The following GAREM2 variants were observed in gnomAD, a reference collection of about 807,000 sequenced individuals.
GAREM2 encodes GRB2-associated and regulator of MAPK protein 2.
Under a neutral mutation model 55.6 loss-of-function variants are expected in GAREM2, and 30 were observed. The observed-to-expected ratio is 0.54, with a 90% CI of 0.40 to 0.73. GAREM2 has a LOEUF of 0.73. Ranked by LOEUF, GAREM2 falls within the 30% of genes least tolerant of loss-of-function variation. The pLI, the probability that GAREM2 is intolerant of heterozygous loss-of-function variation, is 0.00. For missense variants in GAREM2, 1,075 were observed against 1,257.7 expected (o/e 0.85, Z 2.20); for synonymous variants, 550 against 569.1 (o/e 0.97, Z 0.48).
In GAREM2 at chr2:26,183,044, A is replaced by G. The variant is rs1275576171; in HGVS notation, c.331A>G (p.Ser111Gly). 1.9e-6 allele frequency: 3 copies of G among 1,551,724 alleles called. No individual in the cohort carries two copies. The highest frequency in any genetic ancestry group is 2.6e-6 in the Non-Finnish European group (3 of 1,146,984). ...CTTCAGCAGCGTGGAGGAGGTGGCCAGTGTCTTCCCTGACCGCATCTTCGT... is the reference window on the plus strand; with the variant it reads ...CTTCAGCAGCGTGGAGGAGGTGGCCGGTGTCTTCCCTGACCGCATCTTCGT... ...RYFSSVEEVA[S>G]VFPDRIFVME... The change falls in exon 3 of 6, where the codon AGT (serine) becomes GGT (glycine). Residue 111 changes from serine (S) to glycine (G), a missense_variant. Physicochemically the swap from Ser to Gly is moderately conservative, Grantham distance 56. Around this residue, in one of 6 missense-constraint regions of GAREM2, gnomAD observed 230 missense variants for 310.6 expected, o/e 0.74. Coordinates refer to ENST00000401533, the MANE Select transcript of GAREM2 (RefSeq NM_001168241.2).
the GAREM2 span, chr2:26,195,355 A>G: frequency 2.3e-6 from 2 of 867,932 alleles, no homozygotes; most frequent in Middle Eastern, 2.3e-4. Flanking sequence ...ACTGCTTGAC[A>G]TAGCTGAGTG....
chr2:26,193,905 G>A (rs951632662), downstream of GAREM2: 36 of 701,962 alleles, frequency 5.1e-5, no homozygotes, highest in African/African-American at 6.2e-4. Context: ...GCCCAGGACT[G>A]GTGCTATTTC....
chr2:26,191,529 T>C, downstream of GAREM2: 3 of 1,614,100 alleles, frequency 1.9e-6, no homozygotes, highest in East Asian at 2.2e-5. Context: ...CTCCGATGTC[T>C]CCCTCTGCAG....
At chr2:26,182,614 C>A in intron 2 of GAREM2, 2 of 946,260 alleles carry the variant, frequency 2.1e-6, no homozygotes, top group Non-Finnish European at 3.3e-6. Flanking sequence ...AGCCAGCATC[C>A]CGGTACCACA....
chr2:26,185,172 G>T lies in GAREM2; in HGVS notation c.1324G>T (p.Val442Phe). The T allele has an allele frequency of 6.6e-7, 1 of 1,507,278 alleles. No individual in the cohort carries two copies. Among genetic ancestry groups the T allele is most frequent in the Non-Finnish European group, 8.8e-7 (1 of 1,135,368 alleles). 93.4% of individuals were successfully genotyped at this position (1,507,278 alleles called of 1,614,324 possible). A position where few individuals can be genotyped will look rare whatever the true frequency, so the allele number is the denominator to read the frequency against. Reference protein sequence around the residue: ...LWAHQGPEGLVRPPPGLDLIS... With the variant: ...LWAHQGPEGLFRPPPGLDLIS... ...GGCGCACCAGGGGCCCGAGGGCCTCGTCCGGCCGCCCCCAGGGCTCGATCT... is the reference window on the plus strand; with the variant it reads ...GGCGCACCAGGGGCCCGAGGGCCTCTTCCGGCCGCCCCCAGGGCTCGATCT... Residue 442 changes from valine (V) to phenylalanine (F), a missense_variant, in exon 4 of 6, where the codon GTC becomes TTC. By Grantham distance (50) the Val-to-Phe change is conservative. Transcript: ENST00000401533.
chr2:26,189,904 C>G (rs1487263905), downstream of GAREM2, among the ~76,000 whole-genome samples: 1 of 152,230 alleles, frequency 6.6e-6, no homozygotes, highest in Non-Finnish European at 1.5e-5. Context: ...TAATTCACAC[C>G]TACCTGGTGT....
chr2:26,173,145 C>G lies in GAREM2; in HGVS notation c.-76C>G, dbSNP rs1286917315. On this transcript the variant is annotated 5_prime_UTR_variant, in exon 1 of 6. Transcript: ENST00000401533. ...GCGCCGCGGCGGCCCCGGGAGGTGG[C>G]GGCGGGCGCGAGAGCCTGGGCCGCG... The G allele has an allele frequency of 1.1e-5, 4 of 357,980 alleles. No individual in the cohort carries two copies. Among genetic ancestry groups the G allele is most frequent in the Non-Finnish European group, 1.6e-5 (4 of 249,534 alleles). The allele number at this position is 357,980 out of a possible 1,614,324, so 22.2% of individuals were successfully genotyped here. A position where few individuals can be genotyped will look rare whatever the true frequency, so the allele number is the denominator to read the frequency against.
chr2:26,173,136 G>T lies in GAREM2; in HGVS notation c.-85G>T. On this transcript the variant is annotated 5_prime_UTR_variant, in exon 1 of 6. Transcript: ENST00000401533. ...AGGCGGCGAGCGCCGCGGCGGCCCC[G>T]GGAGGTGGCGGCGGGCGCGAGAGCC... is the stretch of plus-strand genomic sequence containing the variant. 2 of 283,430 alleles carry T rather than the reference G, an allele frequency of 7.1e-6. No homozygotes were observed. The highest frequency in any genetic ancestry group is 1.3e-4 in the South Asian group (1 of 7,554). The allele number at this position is 283,430 out of a possible 1,614,324, so 17.6% of individuals were successfully genotyped here. A position where few individuals can be genotyped will look rare whatever the true frequency, so the allele number is the denominator to read the frequency against.
chr2:26,193,041 A>G (rs1475847971), downstream of GAREM2, among the ~76,000 whole-genome samples: 2 of 151,898 alleles, frequency 1.3e-5, no homozygotes, highest in Non-Finnish European at 2.9e-5. Context: ...ACAGAAAGTC[A>G]CTTCTCTGTG....
Position 26,186,272 on chromosome 2 carries a change from C to T in GAREM2, c.1512C>T (p.Pro504=). 1 of 1,550,806 alleles carries T rather than the reference C, an allele frequency of 6.4e-7. No individual in the cohort carries two copies. Among genetic ancestry groups the T allele is most frequent in the East Asian group, 2.4e-5 (1 of 40,888 alleles). The change falls in exon 5 of 6, where the codon CCC becomes CCT. Residue 504 remains proline, a synonymous_variant. Coordinates refer to ENST00000401533, the MANE Select transcript of GAREM2 (RefSeq NM_001168241.2). The part of the protein sequence containing the change: ...GNGSGRLSSS[P]PVPPRFPKLQ... ...GCAGCGGCCGGCTCTCCAGCAGCCCCCCGGTTCCCCCTCGCTTCCCCAAGC... is the reference window on the plus strand; with the variant it reads ...GCAGCGGCCGGCTCTCCAGCAGCCCTCCGGTTCCCCCTCGCTTCCCCAAGC...
At chr2:26,199,465 G>A in the GAREM2 span, 1 of 152,252 alleles carries the variant, frequency 6.6e-6, no homozygotes, top group African/African-American at 2.4e-5. Context: ...TAGTAATATA[G>A]TGTCTAATGC....
downstream of GAREM2, chr2:26,189,713 C>G (rs1001849672): frequency 6.6e-6 from 1 of 152,156 alleles, no homozygotes; most frequent in Non-Finnish European, 1.5e-5. Flanking sequence ...CATGGGGACC[C>G]ATGGGCACAG....
intron 3 of GAREM2, among the ~76,000 whole-genome samples, chr2:26,183,399 G>A (rs555098990): frequency 1.5e-3 from 225 of 152,302 alleles, no homozygotes; most frequent in Non-Finnish European, 3.0e-3. Context: ...TTGTAGAGGC[G>A]GTGGTTGTGG....
Position 26,188,191 on chromosome 2 carries a change from C to T in GAREM2, c.2559C>T (p.Phe853=), listed in dbSNP as rs1316229172. The T allele has an allele frequency of 1.3e-6, 2 of 1,539,816 alleles. No individual in the cohort carries two copies. The highest frequency in any genetic ancestry group is 2.0e-5 in the Admixed American group (1 of 49,654). Residue 853 remains phenylalanine (F), a synonymous_variant, in exon 6 of 6, where the codon TTC becomes TTT. Coordinates refer to ENST00000401533, the MANE Select transcript of GAREM2 (RefSeq NM_001168241.2). The stretch of plus-strand genomic sequence containing the variant: ...GTGAGGACATCCTGGCAGATGACTT[C>T]CACCTCACCAAGCTGCAGGTCAAGA... ...QLSEDILADD[F]HLTKLQVKKI... is the part of the protein sequence containing the mutation.
chr2:26,183,245 A>G, intron 3 of GAREM2, 148 bp downstream of exon 3: 2 of 794,804 alleles, frequency 2.5e-6, no homozygotes, highest in Non-Finnish European at 4.0e-6. Flanking sequence ...CAATCAAGCC[A>G]TGTCAGAAGG....
intron 1 of GAREM2, among the ~76,000 whole-genome samples, chr2:26,174,685 G>T (rs1250722410): frequency 6.6e-6 from 1 of 152,256 alleles, no homozygotes; most frequent in Non-Finnish European, 1.5e-5. Context: ...GTGTGACAGT[G>T]TGTGGCTATG....
downstream of GAREM2, among the ~76,000 whole-genome samples, chr2:26,189,854 C>T (rs1326881156): frequency 6.6e-6 from 1 of 152,168 alleles, no homozygotes; most frequent in Non-Finnish European, 1.5e-5. Flanking sequence ...CCCTCCCTAC[C>T]CTTCAAGAAC....
chr2:26,193,377 C>G (rs981258738), downstream of GAREM2, among the ~76,000 whole-genome samples: 2 of 151,414 alleles, frequency 1.3e-5, no homozygotes, highest in Admixed American at 6.6e-5. Context: ...GATCCTCCCA[C>G]CTCAGCCTCC....
the GAREM2 span, among the ~76,000 whole-genome samples, chr2:26,198,055 G>A: frequency 5.0e-4 from 76 of 152,236 alleles, no homozygotes; most frequent in African/African-American, 1.6e-3. Flanking sequence ...CAGCAGTTGG[G>A]TCAATAAAAC....
Sources: allele counts gnomAD v4.1 joint callset (sites outside exome capture counted in the v4.1 genomes callset), GRCh38; gene constraint gnomAD v4.1.1; regional missense constraint gnomAD v4.1.1; transcripts MANE v1.5; gene names NCBI Gene and HGNC (gene_info 2026-07-23, HGNC 2026-07-21).